Variants in PCDHA12 observed in about 807,000 individuals in gnomAD.
PCDHA12 encodes the protein protocadherin alpha 12.
PCDHA12 carries 44 observed loss-of-function variants against 60.0 expected under a neutral mutation model. The observed-to-expected ratio is 0.73, with a 90% CI of 0.58 to 0.94. The LOEUF (loss-of-function observed/expected upper bound fraction) is 0.94. Among genes scored for constraint, PCDHA12 ranks in the 40% least tolerant of loss-of-function variants. The probability of loss-of-function intolerance (pLI) is 0.00; values close to 1 mark genes in which losing one functional copy is unlikely to be tolerated. For missense variants in PCDHA12, 1,276 were observed against 1,239.7 expected (o/e 1.03, Z -0.44); for synonymous variants, 569 against 553.0 (o/e 1.03, Z -0.40).
chr5:140,945,076 C>G (rs2093735426), intron 1 of PCDHA12, among the ~76,000 whole-genome samples: 1 of 152,104 alleles, frequency 6.6e-6, no homozygotes, highest in South Asian at 2.1e-4. Flanking sequence ...TCCACCAAAA[C>G]ACTCTTGGAA....
intron 1 of PCDHA12, among the ~76,000 whole-genome samples, chr5:140,948,191 C>A (rs2094221032): frequency 6.6e-6 from 1 of 151,562 alleles, no homozygotes; most frequent in African/African-American, 2.4e-5. Context: ...CCCACTTAGT[C>A]ATGATATATT....
At chr5:140,964,044 A>G (rs155810) in intron 1 of PCDHA12, among the ~76,000 whole-genome samples, 592 of 152,346 alleles carry the variant, frequency 3.9e-3, no homozygotes, top group Middle Eastern at 0.024. Context: ...AAAGGAATGC[A>G]TAATGGTGTG....
intron 1 of PCDHA12, among the ~76,000 whole-genome samples, chr5:140,961,335 A>G (rs548773476): frequency 1.6e-4 from 24 of 152,322 alleles, no homozygotes; most frequent in African/African-American, 5.8e-4. Context: ...TGAGAGACCA[A>G]GAGTGGATCC....
chr5:140,879,659 C>T (rs782370828), intron 1 of PCDHA12, among the ~76,000 whole-genome samples: 4 of 152,142 alleles, frequency 2.6e-5, no homozygotes, highest in East Asian at 3.8e-4. Flanking sequence ...CTATAACAAA[C>T]GAACACAAAC....
intron 1 of PCDHA12, among the ~76,000 whole-genome samples, chr5:140,973,636 T>C (rs535388717): frequency 6.6e-6 from 1 of 152,234 alleles, no homozygotes; most frequent in Non-Finnish European, 1.5e-5. Flanking sequence ...CTTGTACACA[T>C]TCTGACTGAA....
intron 1 of PCDHA12, chr5:140,966,564 T>A (rs1342180377): frequency 2.0e-6 from 1 of 488,548 alleles, no homozygotes; most frequent in Non-Finnish European, 3.4e-6. Context: ...GGAGCTGGAA[T>A]ATGGGGAGTC....
intron 1 of PCDHA12, among the ~76,000 whole-genome samples, chr5:140,960,717 T>TATTTTAGTCCATG (rs1244851083): frequency 3.3e-5 from 1 of 30,264 alleles, no homozygotes; most frequent in Non-Finnish European, 6.2e-5. Flanking sequence ...ATACTCATCT[T>TATTTTAGTCCATG]ATTTTAGTCC....
intron 3 of PCDHA12, among the ~76,000 whole-genome samples, chr5:140,994,802 C>T (rs541054161): frequency 7.9e-5 from 12 of 152,066 alleles, no homozygotes; most frequent in Non-Finnish European, 1.6e-4. Flanking sequence ...CATGCAAAAA[C>T]AAAATACAAA....
intron 1 of PCDHA12, among the ~76,000 whole-genome samples, chr5:140,954,419 T>TG (rs1413660060): frequency 1.3e-5 from 2 of 151,998 alleles, no homozygotes; most frequent in African/African-American, 4.8e-5. Context: ...AAGGTGTTCC[T>TG]TTTTCTCCAT....
chr5:140,886,498 C>T (rs1415505049), intron 1 of PCDHA12, among the ~76,000 whole-genome samples: 1 of 151,920 alleles, frequency 6.6e-6, no homozygotes, highest in African/African-American at 2.4e-5. Context: ...ATATCTTTTT[C>T]CTTTTATGGA....
chr5:140,980,504 C>G (rs1440940887), intron 2 of PCDHA12, among the ~76,000 whole-genome samples: 4 of 152,122 alleles, frequency 2.6e-5, no homozygotes, highest in Non-Finnish European at 5.9e-5. Flanking sequence ...ATGGCATGTG[C>G]CTGTAGTTCC....
In PCDHA12 at chr5:140,959,152, A is replaced by C. The variant is rs182353196; in HGVS notation, c.2368-19797A>C. 1.3e-4 allele frequency among the ~76,000 whole-genome samples: 20 copies of C among 152,108 alleles called. No individual in the cohort carries two copies. The East Asian group carries it at 3.9e-3, about 30-fold the overall frequency. ...CCCACTTTGGGAGGCCAAAGTGGGC[A>C]GATTGCTTGACCCCAGGAGTTCAGG... On this transcript the variant is annotated intron_variant, in intron 1 of 3. Coordinates refer to ENST00000398631, the MANE Select transcript of PCDHA12 (RefSeq NM_018903.4).
intron 1 of PCDHA12, among the ~76,000 whole-genome samples, chr5:140,951,465 C>G (rs1304466995): frequency 1.3e-5 from 2 of 151,966 alleles, no homozygotes; most frequent in Non-Finnish European, 2.9e-5. Context: ...TGCTTGGCTT[C>G]TGGGGAGCCT....
rs782621350 is a variant in PCDHA12 at position 140,876,591 on chromosome 5, C to T, written c.1119C>T (p.Ser373=). The part of the protein sequence containing the change: ...AQVGTVIALI[S]VSDRDSGANG... ...TGGGTACCGTCATTGCCCTGATTAG[C>T]GTGTCGGATCGTGACTCTGGAGCCA... The change falls in exon 1 of 4, where the codon AGC becomes AGT. Residue 373 remains serine, a synonymous_variant. Transcript: ENST00000398631. 9.5e-5 allele frequency: 153 copies of T among 1,614,058 alleles called. 1 individual carries two copies. The highest frequency in any genetic ancestry group is 8.2e-4 in the Middle Eastern group (5 of 6,082).
chr5:140,995,918 G>A (rs1303145667), intron 3 of PCDHA12, among the ~76,000 whole-genome samples: 1 of 152,180 alleles, frequency 6.6e-6, no homozygotes, highest in Non-Finnish European at 1.5e-5. Flanking sequence ...GAGACCATAG[G>A]CTGTTGTAAG....
Position 141,010,149 on chromosome 5 carries a change from C to T in PCDHA12, c.*212C>T. 6.3e-7 allele frequency: 1 copy of T among 1,580,088 alleles called. No individual in the cohort carries two copies. Among genetic ancestry groups the T allele is most frequent in the Non-Finnish European group, 8.6e-7 (1 of 1,161,942 alleles). On this transcript the variant is annotated 3_prime_UTR_variant, in exon 4 of 4. Transcript: ENST00000398631. ...GTCTGGTGTTAACTCTTTCTCTCCA[C>T]TCTGGCTTGTTTTCAGAACCTAAAA...
At position 140,876,954 on chromosome 5, in the gene PCDHA12, G is replaced by T. The variant is rs1554169149; in HGVS notation, c.1482G>T (p.Leu494=). The T allele has an allele frequency of 6.2e-7, 1 of 1,613,432 alleles. No homozygotes were observed. The highest frequency in any genetic ancestry group is 8.5e-7 in the Non-Finnish European group (1 of 1,179,860). ...AQKNALVSYS[L]VERRVGEHAL... ...AGAACGCGCTGGTGTCCTACTCGCT[G>T]GTGGAGCGGCGGGTGGGCGAGCACG... The change falls in exon 1 of 4, where the codon CTG becomes CTT. Residue 494 remains leucine (L), a synonymous_variant. Transcript: ENST00000398631.
At chr5:140,967,708 C>A (rs782464741) in intron 1 of PCDHA12, 1 of 1,614,158 alleles carries the variant, frequency 6.2e-7, no homozygotes, top group Admixed American at 1.7e-5. Context: ...ATGCCAGTAC[C>A]GGGGAAGTGC....
rs372500794 is a variant in PCDHA12, at chr5:140,876,782, C to A, written c.1310C>A (p.Ala437Asp). 5.6e-6 allele frequency: 9 copies of A among 1,614,096 alleles called. No individual in the cohort carries two copies. The East Asian group carries it at 1.8e-4, about 32-fold the overall frequency. Residue 437 changes from alanine (A) to aspartate (D), a missense_variant, in exon 1 of 4, where the codon GCC becomes GAC. Ala to Asp is a moderately radical substitution (Grantham distance 126, BLOSUM62 -2). Transcript: ENST00000398631. ...GATGGGGGCTCGCCTTCGCTGTGGG[C>A]CACGGCTAGAGTGTCCGTGGAGGTG... ...ARDGGSPSLW[A>D]TARVSVEVAD...
Sources: gnomAD v4.1 joint callset for allele counts (sites outside exome capture counted in the v4.1 genomes callset) on GRCh38, gnomAD v4.1.1 for gene constraint, MANE v1.5 for transcripts, NCBI Gene and HGNC (gene_info 2026-07-23, HGNC 2026-07-21) for gene names.